Variants in KCNJ6 observed in about 807,000 individuals in gnomAD.
The protein encoded by KCNJ6 is G protein-activated inward rectifier potassium channel 2.
Under a neutral mutation model 34.2 loss-of-function variants are expected in KCNJ6, and 9 were observed. The observed-to-expected ratio is 0.26, with a 90% CI of 0.16 to 0.46. KCNJ6 has a LOEUF of 0.46. KCNJ6 is among the 20% of genes least tolerant of loss of function. KCNJ6 has a pLI of 1.00. For synonymous variants in KCNJ6, 196 were observed against 207.1 expected (o/e 0.95, Z 0.46); for missense variants, 236 against 531.3 (o/e 0.44, Z 5.46).
At chr21:37,694,564 C>T (rs1168761381) in intron 3 of KCNJ6, among the ~76,000 whole-genome samples, 2 of 152,194 alleles carry the variant, frequency 1.3e-5, no homozygotes, top group Non-Finnish European at 2.9e-5. Flanking sequence ...TTCTCTATTC[C>T]AGGTGTCAGC....
intron 1 of KCNJ6, 55 bp from the exon 2 acceptor site, chr21:37,840,764 G>A: frequency 1.0e-6 from 1 of 954,146 alleles, no homozygotes; most frequent in Admixed American, 2.1e-5. Context: ...GATATGAATT[G>A]ATCTAATTGC....
At chr21:37,742,919 G>C (rs2054948304) in intron 2 of KCNJ6, among the ~76,000 whole-genome samples, 1 of 152,160 alleles carries the variant, frequency 6.6e-6, no homozygotes, top group Non-Finnish European at 1.5e-5. Context: ...GATTCTCTAA[G>C]GACTGTGCTC....
intron 3 of KCNJ6, among the ~76,000 whole-genome samples, chr21:37,631,207 T>C (rs1310609584): frequency 6.6e-6 from 1 of 152,050 alleles, no homozygotes; most frequent in Non-Finnish European, 1.5e-5. Context: ...GTGAAAAGAG[T>C]AGACTTAGAG....
rs577379653 is a variant in KCNJ6, at chr21:37,703,349, G to A, written c.946+10862C>T. 4.6e-5 allele frequency among the ~76,000 whole-genome samples: 7 copies of A among 151,816 alleles called. No individual in the cohort carries two copies. The South Asian group carries it at 1.5e-3, about 32-fold the overall frequency. ...AGGCCCAGGTGTGTGGCAGAAATGG[G>A]AAAGAGGGAGAGGCCCAGGTATGTG... On this transcript the variant is annotated intron_variant, in intron 3 of 3. Transcript: ENST00000609713.
At chr21:37,834,616 A>G (rs1293183178) in intron 2 of KCNJ6, among the ~76,000 whole-genome samples, 1 of 152,210 alleles carries the variant, frequency 6.6e-6, no homozygotes, top group African/African-American at 2.4e-5. Context: ...ACCCCATAAA[A>G]AAGGGAATAA....
intron 3 of KCNJ6, among the ~76,000 whole-genome samples, chr21:37,705,508 C>T (rs1200940718): frequency 6.6e-6 from 1 of 152,212 alleles, no homozygotes; most frequent in South Asian, 2.1e-4. Flanking sequence ...GTATGATTCA[C>T]AGAATCATAG....
At chr21:37,795,222 A>G (rs2055235453) in intron 2 of KCNJ6, among the ~76,000 whole-genome samples, 1 of 152,228 alleles carries the variant, frequency 6.6e-6, no homozygotes, top group African/African-American at 2.4e-5. Context: ...AAATGAAACC[A>G]AATTGTTGGC....
Position 37,624,898 on chromosome 21 carries a change from A to G in KCNJ6, c.*261T>C. ...TGAAATCTCCAGGAGTTGGATGTGT[A>G]GTATTTTGGGAGGAGACCAGGCTTG... On this transcript the variant is annotated 3_prime_UTR_variant, in exon 4 of 4. Transcript: ENST00000609713. 1 of 505,604 alleles carries G rather than the reference A, an allele frequency of 2.0e-6. No homozygotes were observed. The highest frequency in any genetic ancestry group is 3.5e-6 in the Non-Finnish European group (1 of 285,380). The allele number at this position is 505,604 out of a possible 1,614,324, so 31.3% of individuals were successfully genotyped here.
At chr21:37,897,531 C>A (rs1232244673) in intron 1 of KCNJ6, among the ~76,000 whole-genome samples, 3 of 152,216 alleles carry the variant, frequency 2.0e-5, no homozygotes, top group East Asian at 3.8e-4. Context: ...TGAGAGGCCA[C>A]CTATGGTCCT....
chr21:37,828,571 C>T (rs546348946), intron 2 of KCNJ6, among the ~76,000 whole-genome samples: 12 of 152,326 alleles, frequency 7.9e-5, no homozygotes, highest in African/African-American at 2.6e-4. Flanking sequence ...TGAGGCAAAG[C>T]GGGCTGCATG....
chr21:37,641,191 G>A (rs2054379271), intron 3 of KCNJ6, among the ~76,000 whole-genome samples: 1 of 152,176 alleles, frequency 6.6e-6, no homozygotes, highest in African/African-American at 2.4e-5. Context: ...CTGTGGGCAG[G>A]AGCTCTGTCT....
intron 1 of KCNJ6, among the ~76,000 whole-genome samples, chr21:37,899,022 A>T (rs1208221200): frequency 1.3e-5 from 2 of 152,242 alleles, no homozygotes; most frequent in African/African-American, 4.8e-5. Flanking sequence ...AAGAAAGGTT[A>T]AAAAGAACTT....
intron 2 of KCNJ6, among the ~76,000 whole-genome samples, chr21:37,825,930 C>G (rs1368237632): frequency 1.3e-5 from 2 of 152,192 alleles, no homozygotes; most frequent in African/African-American, 4.8e-5. Flanking sequence ...AATTACCTCC[C>G]TCTGGGTCCC....
chr21:37,654,105 G>GTTTTT (rs537326162), intron 3 of KCNJ6, among the ~76,000 whole-genome samples: 2 of 122,744 alleles, frequency 1.6e-5, no homozygotes, highest in African/African-American at 3.0e-5. Context: ...CACTTTGTGG[G>GTTTTT]TTTTTTTTTT....
At chr21:37,795,748 CA>C (rs971478677) in intron 2 of KCNJ6, among the ~76,000 whole-genome samples, 5 of 133,150 alleles carry the variant, frequency 3.8e-5, no homozygotes, top group Non-Finnish European at 8.0e-5. Context: ...AAAAAAAAAA[CA>C]AAAAAAAACC....
At chr21:37,659,678 C>T (rs1291359803) in intron 3 of KCNJ6, among the ~76,000 whole-genome samples, 1 of 152,192 alleles carries the variant, frequency 6.6e-6, no homozygotes. Context: ...TCAATTTCCC[C>T]ATCTGATGTG....
At chr21:37,643,178 T>A (rs2054185969) in intron 3 of KCNJ6, among the ~76,000 whole-genome samples, 1 of 152,168 alleles carries the variant, frequency 6.6e-6, no homozygotes, top group South Asian at 2.1e-4. Flanking sequence ...CCACTGGTGT[T>A]AAAGGCAGGT....
At chr21:37,786,445 G>T (rs1215286630) in intron 2 of KCNJ6, among the ~76,000 whole-genome samples, 2 of 152,206 alleles carry the variant, frequency 1.3e-5, no homozygotes, top group African/African-American at 4.8e-5. Context: ...TTCCATGAAT[G>T]TGGCTTAGAA....
chr21:37,827,525 G>GT (rs141210365), intron 2 of KCNJ6, among the ~76,000 whole-genome samples: 30,980 of 148,744 alleles, frequency 0.21, 5,215 homozygotes, highest in East Asian at 0.5. Flanking sequence ...TAACCCTTGG[G>GT]TTTTTTTTTT....
Sources: allele counts gnomAD v4.1 joint callset (sites outside exome capture counted in the v4.1 genomes callset), GRCh38; gene constraint gnomAD v4.1.1; transcripts MANE v1.5; gene names NCBI Gene and HGNC (gene_info 2026-07-23, HGNC 2026-07-21).